Variants in ADGRL3 observed in about 807,000 individuals in gnomAD.
ADGRL3 encodes calcium-independent alpha-latrotoxin receptor 3.
ADGRL3 carries 62 observed loss-of-function variants against 153.5 expected under a neutral mutation model. That is an observed-to-expected ratio of 0.40 (90% CI 0.33 to 0.50). The LOEUF (loss-of-function observed/expected upper bound fraction) is 0.50. ADGRL3 is among the 20% of genes least tolerant of loss of function. The pLI, the probability that ADGRL3 is intolerant of heterozygous loss-of-function variation, is 0.47. For missense variants in ADGRL3, 1,641 were observed against 1,859.4 expected (o/e 0.88, Z 2.16); for synonymous variants, 710 against 672.5 (o/e 1.06, Z -0.86).
intron 19 of ADGRL3, among the ~76,000 whole-genome samples, chr4:61,994,367 G>C (rs2099114525): frequency 6.6e-6 from 1 of 151,918 alleles, no homozygotes; most frequent in Non-Finnish European, 1.5e-5. Flanking sequence ...GCCCAGGTTG[G>C]TCTTGAAGTC....
chr4:61,762,404 C>T (rs943262956), intron 8 of ADGRL3, among the ~76,000 whole-genome samples: 15 of 151,962 alleles, frequency 9.9e-5, no homozygotes, highest in Admixed American at 6.6e-5. Context: ...GATGAGAGAA[C>T]ATATTATTTA....
chr4:61,598,466 A>G (rs2098998277), intron 5 of ADGRL3, among the ~76,000 whole-genome samples: 1 of 152,170 alleles, frequency 6.6e-6, no homozygotes, highest in Admixed American at 6.5e-5. Flanking sequence ...AACAAACAAC[A>G]AAAAGAAGCT....
rs566106026 is a variant in ADGRL3 at position 61,747,446 on chromosome 4, C to CA, written c.1399+13897dup. Among the ~76,000 whole-genome samples, 501 of 149,750 alleles carry CA rather than the reference C, an allele frequency of 3.3e-3. 3 individuals carry two copies. Among genetic ancestry groups the CA allele is most frequent in the African/African-American group, 0.012 (484 of 39,576 alleles). ...CCAATATCTTTGATGAACATTGATG[C>CA]AAAAATCCTCAATAAAATACTGGCA... On this transcript the variant is annotated intron_variant, in intron 8 of 26. Transcript: ENST00000683033.
At chr4:61,369,492 T>G (rs1464819968) in intron 1 of ADGRL3, among the ~76,000 whole-genome samples, 1 of 152,168 alleles carries the variant, frequency 6.6e-6, no homozygotes, top group East Asian at 1.9e-4. Context: ...GATAATCATG[T>G]GGTTTTTGTC....
chr4:61,901,084 A>G (rs971060668), intron 11 of ADGRL3, among the ~76,000 whole-genome samples: 3 of 152,200 alleles, frequency 2.0e-5, no homozygotes, highest in African/African-American at 4.8e-5. Flanking sequence ...GTGATAGTAT[A>G]GTTCTGTATA....
chr4:61,464,166 C>T (rs575609931), intron 2 of ADGRL3, among the ~76,000 whole-genome samples: 1 of 152,292 alleles, frequency 6.6e-6, no homozygotes, highest in South Asian at 2.1e-4. Flanking sequence ...TGCTTCTTGC[C>T]TATAAAAGCT....
intron 2 of ADGRL3, among the ~76,000 whole-genome samples, chr4:61,486,534 C>A (rs938974767): frequency 6.6e-6 from 1 of 152,098 alleles, no homozygotes; most frequent in African/African-American, 2.4e-5. Context: ...TTCGAGGATA[C>A]GTTGACCTAT....
At chr4:61,582,483 T>C (rs112008783) in intron 4 of ADGRL3, among the ~76,000 whole-genome samples, 8,157 of 152,082 alleles carry the variant, frequency 0.054, 670 homozygotes, top group African/African-American at 0.18. Context: ...ATAATGCCTT[T>C]GAGCTCCATT....
chr4:61,769,987 G>A (rs1473583351), intron 8 of ADGRL3, among the ~76,000 whole-genome samples: 3 of 152,178 alleles, frequency 2.0e-5, no homozygotes, highest in African/African-American at 7.2e-5. Context: ...GCAGGTCACA[G>A]GGGATACGAT....
At chr4:61,696,377 G>A (rs2095642707) in intron 6 of ADGRL3, among the ~76,000 whole-genome samples, 1 of 152,000 alleles carries the variant, frequency 6.6e-6, no homozygotes, top group South Asian at 2.1e-4. Flanking sequence ...TAATATTTAT[G>A]GTAATGTTCC....
At chr4:61,291,593 T>TACAC in intron 1 of ADGRL3, among the ~76,000 whole-genome samples, 1 of 12,974 alleles carries the variant, frequency 7.7e-5, no homozygotes, top group African/African-American at 1.6e-4. Context: ...CATATATATA[T>TACAC]ATATATATAT....
At chr4:61,500,255 C>T (rs1364216750) in intron 3 of ADGRL3, among the ~76,000 whole-genome samples, 1 of 152,078 alleles carries the variant, frequency 6.6e-6, no homozygotes, top group Admixed American at 6.6e-5. Flanking sequence ...AAGCTTTTTA[C>T]TTATAAACTT....
At chr4:61,715,653 T>G (rs2096093366) in intron 6 of ADGRL3, among the ~76,000 whole-genome samples, 1 of 152,140 alleles carries the variant, frequency 6.6e-6, no homozygotes, top group Non-Finnish European at 1.5e-5. Context: ...TATTTTGCAC[T>G]TGTGGTAGTT....
chr4:61,361,201 G>A (rs763772656), intron 1 of ADGRL3, among the ~76,000 whole-genome samples: 9 of 152,018 alleles, frequency 5.9e-5, no homozygotes, highest in Non-Finnish European at 1.2e-4. Context: ...AATGTCTGTA[G>A]CTCTCATTTC....
chr4:61,435,955 TA>T (rs141687800), intron 2 of ADGRL3, among the ~76,000 whole-genome samples: 3,527 of 152,048 alleles, frequency 0.023, 135 homozygotes, highest in African/African-American at 0.079. Flanking sequence ...ATTTTAAAAT[TA>T]AAAAAAATTA....
At chr4:61,525,613 G>A (rs923776005) in intron 4 of ADGRL3, among the ~76,000 whole-genome samples, 5 of 152,254 alleles carry the variant, frequency 3.3e-5, no homozygotes, top group African/African-American at 1.2e-4. Context: ...GCTCAGTTAG[G>A]TTATTGCCAT....
At chr4:61,436,444 G>A (rs1427048302) in intron 2 of ADGRL3, among the ~76,000 whole-genome samples, 1 of 152,134 alleles carries the variant, frequency 6.6e-6, no homozygotes, top group African/African-American at 2.4e-5. Context: ...CTATTCTCAA[G>A]GAGCTCATAG....
At chr4:61,250,873 T>C (rs1758961041) in intron 1 of ADGRL3, among the ~76,000 whole-genome samples, 1 of 152,188 alleles carries the variant, frequency 6.6e-6, no homozygotes, top group African/African-American at 2.4e-5. Context: ...ACTCTTTTTA[T>C]AGGTTAAATG....
intron 1 of ADGRL3, among the ~76,000 whole-genome samples, chr4:61,304,648 G>A (rs918731109): frequency 6.6e-6 from 1 of 152,094 alleles, no homozygotes; most frequent in African/African-American, 2.4e-5. Flanking sequence ...TCATGTGTGT[G>A]TGTGTATTGT....
Sources: gnomAD v4.1 joint callset for allele counts (sites outside exome capture counted in the v4.1 genomes callset) on GRCh38, gnomAD v4.1.1 for gene constraint, MANE v1.5 for transcripts, NCBI Gene and HGNC (gene_info 2026-07-23, HGNC 2026-07-21) for gene names.